The following TTLL8 variants were observed in gnomAD, a reference collection of about 807,000 sequenced individuals.
The protein encoded by TTLL8 is protein monoglycylase TTLL8.
Under a neutral mutation model 77.8 loss-of-function variants are expected in TTLL8, and 65 were observed. The ratio of observed to expected loss-of-function variants is 0.84; its 90% CI spans 0.68 to 1.03. TTLL8 has a LOEUF of 1.03. Ranked by LOEUF, TTLL8 falls within the 50% of genes least tolerant of loss-of-function variation. The pLI is 0.00. For synonymous variants in TTLL8, 402 were observed against 422.8 expected, an observed-to-expected ratio of 0.95 and a Z score of 0.60; for missense variants, 910 against 1,004.5, an observed-to-expected ratio of 0.91 and a Z score of 1.27.
chr22:50,030,447 G>T, exon 12 of TTLL8: 5 of 1,334,362 alleles, frequency 3.7e-6, no homozygotes, highest in Middle Eastern at 3.2e-4. Context: ...TCCGGGCGGC[G>T]GACGCAGCGC....
chr22:50,032,328 G>T (rs2061302768), intron 10 of TTLL8, among the ~76,000 whole-genome samples: 1 of 152,194 alleles, frequency 6.6e-6, no homozygotes. Context: ...CAGGCGCACA[G>T]CTCACAGCTG....
intron 6 of TTLL8, among the ~76,000 whole-genome samples, chr22:50,043,526 G>A (rs1246031499): frequency 4.4e-5 from 4 of 90,748 alleles, no homozygotes; most frequent in Admixed American, 1.1e-4. Flanking sequence ...CAGTGGTACC[G>A]AGACACCCTT....
chr22:50,032,064 A>C (rs770118137), exon 11 of TTLL8: 23 of 1,365,076 alleles, frequency 1.7e-5, no homozygotes, highest in Non-Finnish European at 2.3e-5. Context: ...GGCCCACATC[A>C]TTCTTCAGGT....
chr22:50,040,796 C>T (rs2061365707), intron 8 of TTLL8, among the ~76,000 whole-genome samples: 1 of 152,194 alleles, frequency 6.6e-6, no homozygotes, highest in Non-Finnish European at 1.5e-5. Context: ...AGTCACTTTC[C>T]TGACTTGCCC....
chr22:50,057,533 TGAGCGGGAGGTCTGGGTTG>T (rs1569237201), upstream of TTLL8, among the ~76,000 whole-genome samples: 13 of 77,288 alleles, frequency 1.7e-4, no homozygotes, highest in African/African-American at 5.6e-4. Flanking sequence ...AGGTCTGGGT[TGAGCGGGAGGTCTGGGTTG>T]GGGGTCAGGT....
exon 4 of TTLL8, chr22:50,047,223 A>C (rs1473578733): frequency 7.3e-7 from 1 of 1,367,652 alleles, no homozygotes; most frequent in Non-Finnish European, 9.8e-7. Context: ...GTCGTAGGTC[A>C]GGCTGTGATA....
chr22:50,027,473 G>A (rs1257532097), intron 12 of TTLL8: 24 of 268,972 alleles, frequency 8.9e-5, no homozygotes, highest in Non-Finnish European at 1.4e-4. Flanking sequence ...TATGGAGGTT[G>A]CAGTGAGCCA....
rs756433263 is a variant in TTLL8, at chr22:50,030,910, G to A, written c.1723C>T (p.Pro575Ser). Reference sequence around the variant, plus strand: ...CAGAGGTCGGACCCGCTGAATGGGGGCGGCTCAACCACCGGCTGTGGGGAA... The same window carrying A: ...CAGAGGTCGGACCCGCTGAATGGGGACGGCTCAACCACCGGCTGTGGGGAA... The change falls in exon 12 of 14, where the codon CCC becomes TCC. Residue 575 changes from proline (P) to serine (S), a missense_variant. Physicochemically the swap from Pro to Ser is moderately conservative, Grantham distance 74. Coordinates refer to ENST00000266182, the Ensembl canonical transcript of TTLL8. The A allele has an allele frequency of 1.2e-5, 16 of 1,321,144 alleles. No individual in the cohort carries two copies. The South Asian group carries it at 1.3e-4, about 11-fold the overall frequency. The allele number at this position is 1,321,144 out of a possible 1,614,324, so 81.8% of individuals were successfully genotyped here.
chr22:50,056,932 C>T (rs1405204974), upstream of TTLL8: 3 of 1,289,642 alleles, frequency 2.3e-6, no homozygotes, highest in Non-Finnish European at 3.0e-6. This position sits in a 1 kb window ranked among gnomAD's most constrained non-coding sequence, Gnocchi z 4.1. Context: ...CTCTCTGGTT[C>T]CATACTGGCC....
At chr22:50,027,608 G>A (rs917952244) in intron 12 of TTLL8, 209 of 984,314 alleles carry the variant, frequency 2.1e-4, no homozygotes, top group Middle Eastern at 5.2e-4. Context: ...CAAAGTCCCA[G>A]CAGTTTGCTG....
chr22:50,030,237 G>A (rs2061276860), intron 12 of TTLL8, 193 bp downstream of exon 13: 1 of 983,314 alleles, frequency 1.0e-6, no homozygotes, highest in Non-Finnish European at 1.2e-6. Flanking sequence ...CGAGACCCCC[G>A]TGCCGGGCTG....
upstream of TTLL8, among the ~76,000 whole-genome samples, chr22:50,056,213 T>C (rs1043017439): frequency 6.6e-6 from 1 of 152,142 alleles, no homozygotes; most frequent in African/African-American, 2.4e-5. This position sits in a 1 kb window ranked among gnomAD's most constrained non-coding sequence, Gnocchi z 4.1. Flanking sequence ...TTCCTGCAAG[T>C]CCATGAGGCC....
At chr22:50,039,011 G>A (rs1305945811) in intron 8 of TTLL8, among the ~76,000 whole-genome samples, 1 of 152,034 alleles carries the variant, frequency 6.6e-6, no homozygotes, top group African/African-American at 2.4e-5. Flanking sequence ...AAGCCCATTT[G>A]GTTCTGATGT....
At chr22:50,025,010 T>C (rs2061223539) in intron 12 of TTLL8, among the ~76,000 whole-genome samples, 1 of 152,030 alleles carries the variant, frequency 6.6e-6, no homozygotes, top group Non-Finnish European at 1.5e-5. Context: ...AGCACAAGAG[T>C]GAGCCCATTT....
chr22:50,035,124 A>T (rs1431750258), intron 8 of TTLL8, among the ~76,000 whole-genome samples: 1 of 151,792 alleles, frequency 6.6e-6, no homozygotes, highest in Admixed American at 6.6e-5. Context: ...GATTGGGGGG[A>T]AGCCATGCCA....
At chr22:50,030,471 T>C (rs781242536) in exon 12 of TTLL8, 13 of 1,345,808 alleles carry the variant, frequency 9.7e-6, no homozygotes, top group Admixed American at 2.0e-5. Flanking sequence ...CTCTGCTGTC[T>C]TCAGGCCCCG....
At chr22:50,022,553 T>C (rs1310199664) in intron 12 of TTLL8, among the ~76,000 whole-genome samples, 1 of 150,358 alleles carries the variant, frequency 6.7e-6, no homozygotes, top group South Asian at 2.1e-4. Context: ...CATCTGACAA[T>C]GTGCACTCCT....
chr22:50,038,063 C>T (rs1460217155), intron 8 of TTLL8, among the ~76,000 whole-genome samples: 1 of 152,046 alleles, frequency 6.6e-6, no homozygotes, highest in Admixed American at 6.5e-5. Context: ...AACTTTATAA[C>T]TTTAAATTTA....
chr22:50,054,486 G>A (rs2061460419), intron 1 of TTLL8: 1 of 168,348 alleles, frequency 5.9e-6, no homozygotes, highest in Non-Finnish European at 1.5e-5. Context: ...ATAATGTTGG[G>A]GTTCCTCTCC....
Sources: gnomAD v4.1 joint callset for allele counts (sites outside exome capture counted in the v4.1 genomes callset) on GRCh38, gnomAD v4.1.1 for gene constraint, Gnocchi (gnomAD v3.1) non-coding constraint, MANE v1.5 for transcripts, NCBI Gene and HGNC (gene_info 2026-07-23, HGNC 2026-07-21) for gene names.